NOL4: variants seen among roughly 807,000 people sequenced by gnomAD.
NOL4 encodes the protein cancer/testis antigen 125.
NOL4 carries 17 observed loss-of-function variants against 75.9 expected under a neutral mutation model. The ratio of observed to expected loss-of-function variants is 0.22; its 90% CI spans 0.15 to 0.34. The LOEUF (loss-of-function observed/expected upper bound fraction) is 0.34. NOL4 is among the 10% of genes least tolerant of loss of function. The probability of loss-of-function intolerance (pLI) is 1.00; values close to 1 mark genes in which losing one functional copy is unlikely to be tolerated. For synonymous variants in NOL4, 292 were observed against 289.9 expected (o/e 1.01, Z -0.07); for missense variants, 614 against 793.5 (o/e 0.77, Z 2.72).
rs767343027 is a variant in NOL4 at position 34,129,975 on chromosome 18, C to A, written c.310G>T (p.Val104Leu). The change falls in exon 2 of 11, where the codon GTG (valine) becomes TTG (leucine). Residue 104 changes from valine to leucine, a missense_variant. By Grantham distance (32) the Val-to-Leu change is conservative. Transcript: ENST00000261592. The stretch of plus-strand genomic sequence containing the variant: ...ATAATGTCAAAGAAATCTTCAACCA[C>A]AGCTACCCGTCGTAAAGATAGCTTC... ...DEKLSLRRVA[V>L]VEDFFDIIYS... 3 of 1,596,466 alleles carry A rather than the reference C, an allele frequency of 1.9e-6. 1 individual carries two copies. In the South Asian group the frequency reaches 3.4e-5, roughly 18 times the overall value.
At chr18:34,082,507 T>C (rs2078057831) in intron 5 of NOL4, among the ~76,000 whole-genome samples, 1 of 152,206 alleles carries the variant, frequency 6.6e-6, no homozygotes, top group Admixed American at 6.5e-5. Flanking sequence ...TAGAAATGCC[T>C]TTTAAAAATA....
In NOL4 at chr18:33,931,568, A is replaced by T. The variant is rs182222982; in HGVS notation, c.1542+11497T>A. On this transcript the variant is annotated intron_variant, in intron 9 of 10. Coordinates refer to ENST00000261592, the MANE Select transcript of NOL4 (RefSeq NM_003787.5). The stretch of plus-strand genomic sequence containing the variant: ...CAACACAGCAAGATCCTGTCTCTAA[A>T]TTTTTTTGTTTTTTAATTAGCCAGG... Among the ~76,000 whole-genome samples the T allele has an allele frequency of 3.2e-3, 486 of 151,028 alleles. 4 individuals are homozygous for T. Among genetic ancestry groups the T allele is most frequent in the African/African-American group, 0.011 (467 of 40,954 alleles).
chr18:34,151,033 T>C (rs1397514916), intron 1 of NOL4, among the ~76,000 whole-genome samples: 2 of 151,826 alleles, frequency 1.3e-5, no homozygotes, highest in African/African-American at 4.8e-5. Context: ...ACATAACTAT[T>C]AGAAAGGCCA....
chr18:34,172,791 C>T (rs2033172814), intron 1 of NOL4, among the ~76,000 whole-genome samples: 1 of 152,000 alleles, frequency 6.6e-6, no homozygotes, highest in Non-Finnish European at 1.5e-5. Context: ...TTTTCATATA[C>T]CTGTTGGCCA....
chr18:34,146,959 G>C (rs2081426524), intron 1 of NOL4, among the ~76,000 whole-genome samples: 1 of 151,916 alleles, frequency 6.6e-6, no homozygotes, highest in Non-Finnish European at 1.5e-5. Flanking sequence ...GGATTCCTAG[G>C]TATTTTATTC....
intron 5 of NOL4, among the ~76,000 whole-genome samples, chr18:34,071,438 G>GACAAAC (rs150543573): frequency 6.8e-6 from 1 of 147,694 alleles, no homozygotes; most frequent in Admixed American, 6.8e-5. Context: ...CAGACAGACA[G>GACAAAC]ACACACACAC....
intron 6 of NOL4, among the ~76,000 whole-genome samples, chr18:33,975,831 T>C (rs943343837): frequency 1.3e-5 from 2 of 152,226 alleles, no homozygotes; most frequent in Non-Finnish European, 2.9e-5. Context: ...AATGCCCTCA[T>C]GTCAAGCATC....
intron 8 of NOL4, among the ~76,000 whole-genome samples, chr18:33,957,122 T>C (rs2145726673): frequency 6.6e-6 from 1 of 152,178 alleles, no homozygotes; most frequent in Admixed American, 6.6e-5. Context: ...CACAAGATAT[T>C]CCTTATTAAA....
At chr18:33,985,561 C>T (rs909299494) in intron 6 of NOL4, among the ~76,000 whole-genome samples, 2 of 152,212 alleles carry the variant, frequency 1.3e-5, no homozygotes, top group East Asian at 1.9e-4. Context: ...CCTCAAAAAT[C>T]GCCTTTTAGT....
chr18:34,084,524 A>G (rs933051025), intron 5 of NOL4, among the ~76,000 whole-genome samples: 2 of 152,226 alleles, frequency 1.3e-5, no homozygotes, highest in Non-Finnish European at 2.9e-5. Flanking sequence ...TTCAATTTAA[A>G]AAGTATTTAT....
At chr18:33,933,578 C>G (rs989399834) in intron 9 of NOL4, among the ~76,000 whole-genome samples, 12 of 152,078 alleles carry the variant, frequency 7.9e-5, no homozygotes, top group Admixed American at 7.9e-4. Flanking sequence ...TGTTTTTATT[C>G]AACAGAATTC....
intron 1 of NOL4, among the ~76,000 whole-genome samples, chr18:34,158,244 C>G (rs532680201): frequency 3.5e-4 from 54 of 152,254 alleles, no homozygotes; most frequent in African/African-American, 1.2e-3. Context: ...GTTCACAGAG[C>G]CTGCCAGGGT....
At chr18:34,222,892 G>C (rs2037423626) in intron 1 of NOL4, 98 bp downstream of exon 1, 2 of 1,494,618 alleles carry the variant, frequency 1.3e-6, no homozygotes, top group Non-Finnish European at 9.0e-7. Context: ...ACGAGCCAAC[G>C]GCGGCTCACG....
intron 1 of NOL4, among the ~76,000 whole-genome samples, chr18:34,204,507 C>G (rs1013114097): frequency 6.6e-6 from 1 of 152,056 alleles, no homozygotes; most frequent in African/African-American, 2.4e-5. Flanking sequence ...TATGAAAAGA[C>G]TTTTACAAAT....
intron 6 of NOL4, among the ~76,000 whole-genome samples, chr18:34,010,074 C>T (rs922757819): frequency 6.8e-6 from 1 of 147,990 alleles, no homozygotes; most frequent in Admixed American, 6.8e-5. Flanking sequence ...CCCAGCTAAC[C>T]CTAAGATCGC....
intron 10 of NOL4, among the ~76,000 whole-genome samples, chr18:33,862,483 A>G (rs569229852): frequency 1.3e-5 from 2 of 152,276 alleles, no homozygotes; most frequent in South Asian, 4.2e-4. Flanking sequence ...GTGAACCGGC[A>G]ACGCACAAAA....
intron 8 of NOL4, among the ~76,000 whole-genome samples, chr18:33,954,390 T>C (rs577831563): frequency 6.6e-6 from 1 of 152,228 alleles, no homozygotes; most frequent in East Asian, 1.9e-4. Context: ...GTCTGGATAA[T>C]CTGAATGTAA....
chr18:34,037,339 C>T (rs1195233096), intron 5 of NOL4, among the ~76,000 whole-genome samples: 2 of 152,096 alleles, frequency 1.3e-5, no homozygotes, highest in African/African-American at 4.8e-5. Context: ...AATGACCATA[C>T]TACCCAAAGC....
At position 34,141,961 on chromosome 18, in the gene NOL4, AC is replaced by A. The variant is rs199802417; in HGVS notation, c.265-11942del. 7.8e-4 allele frequency among the ~76,000 whole-genome samples: 119 copies of A among 152,334 alleles called. No homozygotes were observed. The East Asian group carries it at 0.021, about 27-fold the overall frequency. ...GACAAAGGGCTAATATCCAGAATCT[AC>A]AAAGAACTCAAACAAATTTACAAAA... On this transcript the variant is annotated intron_variant, in intron 1 of 10. Coordinates refer to ENST00000261592, the MANE Select transcript of NOL4 (RefSeq NM_003787.5).
Sources: gnomAD v4.1 joint callset for allele counts (sites outside exome capture counted in the v4.1 genomes callset) on GRCh38, gnomAD v4.1.1 for gene constraint, MANE v1.5 for transcripts, NCBI Gene and HGNC (gene_info 2026-07-23, HGNC 2026-07-21) for gene names.